The following TPST2 variants were observed in gnomAD, a reference collection of about 807,000 sequenced individuals.
TPST2 encodes the protein tyrosylprotein sulfotransferase 2.
TPST2 carries 16 observed loss-of-function variants against 27.8 expected under a neutral mutation model. The observed-to-expected ratio is 0.58, with a 90% confidence interval of 0.39 to 0.88. The LOEUF is 0.88. Ranked by LOEUF, TPST2 falls within the 40% of genes least tolerant of loss-of-function variation. The probability of loss-of-function intolerance (pLI) is 0.00; values close to 1 mark genes in which losing one functional copy is unlikely to be tolerated. For missense variants in TPST2, 464 were observed against 543.1 expected (o/e 0.85, Z 1.45); for synonymous variants, 229 against 231.7 (o/e 0.99, Z 0.10).
chr22:26,582,164 C>T (rs772290399), intron 1 of TPST2, among the ~76,000 whole-genome samples: 9 of 152,192 alleles, frequency 5.9e-5, no homozygotes, highest in African/African-American at 1.2e-4. Flanking sequence ...CTGTGGCTCA[C>T]GCCTGTAATC....
chr22:26,546,140 C>T (rs1016141065), intron 1 of TPST2, among the ~76,000 whole-genome samples: 6 of 152,160 alleles, frequency 3.9e-5, no homozygotes, highest in African/African-American at 9.6e-5. Flanking sequence ...GGCAATAAAC[C>T]GGCTGCAGGG....
intron 1 of TPST2, among the ~76,000 whole-genome samples, chr22:26,566,437 G>C (rs1005665383): frequency 1.3e-5 from 2 of 151,970 alleles, no homozygotes; most frequent in Admixed American, 1.3e-4. Flanking sequence ...TGTAGTCCCA[G>C]CTACTCCCGG....
intron 1 of TPST2, among the ~76,000 whole-genome samples, chr22:26,556,122 C>T (rs569326811): frequency 6.6e-6 from 1 of 152,220 alleles, no homozygotes; most frequent in Admixed American, 6.5e-5. Context: ...ACAAAAATTG[C>T]TGTGAAATAT....
At chr22:26,583,104 TC>T (rs1252648283) in intron 1 of TPST2, among the ~76,000 whole-genome samples, 3 of 131,818 alleles carry the variant, frequency 2.3e-5, no homozygotes, top group African/African-American at 8.8e-5. Context: ...AGAGCGAGAC[TC>T]CATCTCAAAA....
intron 1 of TPST2, among the ~76,000 whole-genome samples, chr22:26,552,970 G>A (rs1926563157): frequency 6.8e-6 from 1 of 146,824 alleles, no homozygotes; most frequent in Non-Finnish European, 1.5e-5. Context: ...TGAGGCAGGA[G>A]AACTGCTTGA....
chr22:26,561,765 C>A lies in TPST2; in HGVS notation c.-160-17090G>T, dbSNP rs573568795. On this transcript the variant is annotated intron_variant, in intron 1 of 6. Transcript: ENST00000338754. ...TGTAGGACATGGAATGCTATCCCAGCAGGCACAGGAAGGAAAATTTAGGCT... is the reference window on the plus strand; with the variant it reads ...TGTAGGACATGGAATGCTATCCCAGAAGGCACAGGAAGGAAAATTTAGGCT... Among the ~76,000 whole-genome samples, 8 of 152,294 alleles carry A rather than the reference C, an allele frequency of 5.3e-5. No individual in the cohort carries two copies. The East Asian group carries it at 1.5e-3, about 29-fold the overall frequency.
At chr22:26,585,267 C>G (rs1236876561) in intron 1 of TPST2, among the ~76,000 whole-genome samples, 1 of 152,220 alleles carries the variant, frequency 6.6e-6, no homozygotes, top group Non-Finnish European at 1.5e-5. Context: ...GGCAGACGGG[C>G]TGGCTGCCCG....
chr22:26,568,147 G>T (rs1927449903), intron 1 of TPST2, among the ~76,000 whole-genome samples: 2 of 152,262 alleles, frequency 1.3e-5, no homozygotes, highest in African/African-American at 2.4e-5. Context: ...CCCCCAACTG[G>T]ACACTATCCA....
At chr22:26,540,720 G>A in intron 3 of TPST2, 69 bp downstream of exon 3, 2 of 1,444,078 alleles carry the variant, frequency 1.4e-6, no homozygotes, top group South Asian at 2.8e-5. Flanking sequence ...AGGCAGTGCT[G>A]ATTTTCTTGC....
intron 1 of TPST2, among the ~76,000 whole-genome samples, chr22:26,548,739 C>G (rs765900966): frequency 7.2e-4 from 109 of 151,330 alleles, no homozygotes; most frequent in Non-Finnish European, 1.2e-3. Flanking sequence ...AGGCAGGAGG[C>G]TCGCTTGAGC....
At chr22:26,532,982 G>A (rs80242557) in intron 4 of TPST2, among the ~76,000 whole-genome samples, 4,796 of 152,154 alleles carry the variant, frequency 0.032, 257 homozygotes, top group African/African-American at 0.11. Flanking sequence ...CATTCTAGAG[G>A]GGGCACCAGA....
chr22:26,586,853 A>G (rs1928365469), intron 1 of TPST2, among the ~76,000 whole-genome samples: 1 of 152,214 alleles, frequency 6.6e-6, no homozygotes, highest in African/African-American at 2.4e-5. Context: ...CTTCCGGTGC[A>G]GCCTCTTGCT....
chr22:26,522,142 T>C lies in TPST2; in HGVS notation c.*4133A>G, dbSNP rs1424082962. On this transcript the variant is annotated 3_prime_UTR_variant, in exon 7 of 7. Transcript: ENST00000338754. ...TGTTTGCTTATCTCATGGATTTCTC[T>C]TAACCATCCCCTGAGATCCCCCTAT... The C allele has an allele frequency of 2.6e-5, 4 of 152,220 alleles. No individual in the cohort carries two copies. The highest frequency in any genetic ancestry group is 2.4e-5 in the African/African-American group (1 of 41,454). 9.4% of individuals were successfully genotyped at this position (152,220 alleles called of 1,614,324 possible).
intron 3 of TPST2, among the ~76,000 whole-genome samples, chr22:26,538,770 C>A (rs534406798): frequency 6.6e-6 from 1 of 152,314 alleles, no homozygotes; most frequent in Admixed American, 6.5e-5. Flanking sequence ...TTGCAGTGAG[C>A]CGAGATCACA....
chr22:26,561,025 A>T (rs1366263362), intron 1 of TPST2: 1 of 1,602,122 alleles, frequency 6.2e-7, no homozygotes, highest in African/African-American at 1.3e-5. Flanking sequence ...GCTAAAGGAA[A>T]GCCTGATGCA....
At chr22:26,534,383 T>C (rs1161743628) in intron 4 of TPST2, among the ~76,000 whole-genome samples, 2 of 152,204 alleles carry the variant, frequency 1.3e-5, no homozygotes, top group Admixed American at 6.5e-5. Flanking sequence ...CCAAGACTTG[T>C]TGACCGCCCC....
chr22:26,574,594 G>C (rs577934141), intron 1 of TPST2, among the ~76,000 whole-genome samples: 13 of 152,314 alleles, frequency 8.5e-5, no homozygotes, highest in Admixed American at 7.8e-4. Context: ...CGACTGGCTG[G>C]AGACAAATAC....
At chr22:26,575,342 C>T (rs1927790749) in intron 1 of TPST2, among the ~76,000 whole-genome samples, 1 of 152,152 alleles carries the variant, frequency 6.6e-6, no homozygotes, top group Non-Finnish European at 1.5e-5. Context: ...CCCACAATGC[C>T]TCCCTTCCCC....
chr22:26,528,897 G>A (rs112752306), intron 5 of TPST2, among the ~76,000 whole-genome samples: 2,012 of 152,002 alleles, frequency 0.013, 25 homozygotes, highest in African/African-American at 0.02. Flanking sequence ...CAGGAGAATC[G>A]CTTGAACCCG....
Sources: allele counts gnomAD v4.1 joint callset (sites outside exome capture counted in the v4.1 genomes callset), GRCh38; gene constraint gnomAD v4.1.1; transcripts MANE v1.5; gene names NCBI Gene and HGNC (gene_info 2026-07-23, HGNC 2026-07-21).